Variants in PUS7 observed in about 807,000 individuals in gnomAD.
PUS7 encodes the protein pseudouridine synthase 7.
In PUS7, 48 loss-of-function variants were observed where a neutral mutation model predicts 79.8. The ratio of observed to expected loss-of-function variants is 0.60; its 90% CI spans 0.48 to 0.76. The LOEUF is 0.76. Among genes scored for constraint, PUS7 ranks in the 30% least tolerant of loss-of-function variants. The pLI, the probability that PUS7 is intolerant of heterozygous loss-of-function variation, is 0.00. For synonymous variants in PUS7, 286 were observed against 272.2 expected (o/e 1.05, Z -0.50); for missense variants, 729 against 797.6 (o/e 0.91, Z 1.04).
At chr7:105,517,166 C>CTTTTTTTGTTTTGTTTT (rs1825927705) in intron 1 of PUS7, among the ~76,000 whole-genome samples, 1 of 146,630 alleles carries the variant, frequency 6.8e-6, no homozygotes. Flanking sequence ...CTTCACATTT[C>CTTTTTTTGTTTTGTTTT]TTTTTTTGGC....
chr7:105,510,416 G>T (rs997972391), intron 1 of PUS7, among the ~76,000 whole-genome samples: 2 of 152,020 alleles, frequency 1.3e-5, no homozygotes, highest in African/African-American at 4.8e-5. Context: ...TCATACAGGT[G>T]GTATATAGTT....
intron 10 of PUS7, among the ~76,000 whole-genome samples, chr7:105,471,842 G>A (rs960286417): frequency 4.6e-5 from 7 of 151,094 alleles, no homozygotes; most frequent in African/African-American, 1.7e-4. Context: ...AACCCAGGAG[G>A]CAGAGGTTGC....
At chr7:105,508,871 TAAAAAAAAA>T (rs34249093) in intron 1 of PUS7, among the ~76,000 whole-genome samples, 1 of 22,890 alleles carries the variant, frequency 4.4e-5, no homozygotes, top group Non-Finnish European at 8.0e-5. Flanking sequence ...GACATTGTCT[TAAAAAAAAA>T]AAAAAAAAAA....
chr7:105,490,507 G>A (rs569922640), intron 7 of PUS7, among the ~76,000 whole-genome samples: 5 of 151,998 alleles, frequency 3.3e-5, no homozygotes, highest in African/African-American at 1.2e-4. Flanking sequence ...CTCTAGTTTT[G>A]CATGTCTTGC....
At chr7:105,458,014 G>T in intron 15 of PUS7, 88 bp from the exon 16 acceptor site, 1 of 1,457,078 alleles carries the variant, frequency 6.9e-7, no homozygotes, top group East Asian at 2.3e-5. Flanking sequence ...CAAATACAAA[G>T]AACTGTGCTG....
At chr7:105,515,235 T>G (rs1043925177) in intron 1 of PUS7, among the ~76,000 whole-genome samples, 1 of 152,284 alleles carries the variant, frequency 6.6e-6, no homozygotes, top group South Asian at 2.1e-4. Context: ...AAAGAAACAC[T>G]GCCTATAACC....
intron 5 of PUS7, among the ~76,000 whole-genome samples, chr7:105,496,068 G>C (rs142676313): frequency 5.4e-4 from 82 of 151,682 alleles, no homozygotes; most frequent in African/African-American, 1.8e-3. Flanking sequence ...GCTGAGGCAA[G>C]AGAATTGCTT....
intron 9 of PUS7, among the ~76,000 whole-genome samples, chr7:105,474,237 C>T (rs371288313): frequency 4.1e-4 from 63 of 152,222 alleles, no homozygotes; most frequent in Non-Finnish European, 7.5e-4. Flanking sequence ...TGGTATCTAT[C>T]GATGACATCA....
intron 6 of PUS7, among the ~76,000 whole-genome samples, chr7:105,492,921 G>A (rs556900606): frequency 1.3e-5 from 2 of 152,172 alleles, no homozygotes; most frequent in African/African-American, 4.8e-5. Context: ...AGGATTACAG[G>A]GGTGAGCCAC....
chr7:105,473,478 G>A (rs1158058959), intron 9 of PUS7, among the ~76,000 whole-genome samples: 1 of 150,812 alleles, frequency 6.6e-6, no homozygotes, highest in Non-Finnish European at 1.5e-5. Context: ...GAGTGCAATG[G>A]CACAATCTCA....
At chr7:105,473,025 T>C (rs1307871584) in intron 9 of PUS7, among the ~76,000 whole-genome samples, 1 of 151,124 alleles carries the variant, frequency 6.6e-6, no homozygotes, top group African/African-American at 2.4e-5. Flanking sequence ...TCTCCCAAAG[T>C]GCTGGGATTA....
intron 7 of PUS7, among the ~76,000 whole-genome samples, chr7:105,491,327 C>T (rs1824770952): frequency 6.6e-6 from 1 of 152,096 alleles, no homozygotes; most frequent in African/African-American, 2.4e-5. Context: ...AAGCATTATT[C>T]TCTTGGCTTT....
intron 5 of PUS7, among the ~76,000 whole-genome samples, chr7:105,496,791 G>C (rs1034260942): frequency 9.9e-5 from 15 of 152,086 alleles, no homozygotes; most frequent in Non-Finnish European, 1.8e-4. Flanking sequence ...TTAGTCCTTG[G>C]TGTGAATTCC....
Position 105,508,360 on chromosome 7 carries a change from A to C in PUS7, c.153T>G (p.Phe51Leu). Residue 51 changes from phenylalanine to leucine, a missense_variant, in exon 2 of 16, where the codon TTT becomes TTG. Coordinates refer to ENST00000469408, the MANE Select transcript of PUS7 (RefSeq NM_019042.5). ...GAGGCACGTCTTCACTGATGGACAG[A>C]AAGTCATTCTGTAGCCCATCTTGAC... ...TKGQDGLQND[F>L]LSISEDVPRP... is the part of the protein sequence containing the mutation. 1 of 1,614,106 alleles carries C rather than the reference A, an allele frequency of 6.2e-7. No homozygotes were observed.
intron 11 of PUS7, among the ~76,000 whole-genome samples, chr7:105,469,587 G>C (rs1009186053): frequency 6.6e-6 from 1 of 152,148 alleles, no homozygotes; most frequent in African/African-American, 2.4e-5. Flanking sequence ...AGTCTCTCAA[G>C]TAGCTGGGAT....
chr7:105,461,972 G>C (rs1195457775), intron 14 of PUS7, among the ~76,000 whole-genome samples: 1 of 151,970 alleles, frequency 6.6e-6, no homozygotes, highest in Non-Finnish European at 1.5e-5. Flanking sequence ...GAGCAGAGGA[G>C]CTTGAGGCTG....
In PUS7 at chr7:105,506,232, C is replaced by A. The variant is rs759808225; in HGVS notation, c.440G>T (p.Arg147Leu). 9 of 1,613,332 alleles carry A rather than the reference C, an allele frequency of 5.6e-6. No individual in the cohort carries two copies. The highest frequency in any genetic ancestry group is 7.6e-6 in the Non-Finnish European group (9 of 1,179,680). The change falls in exon 3 of 16, where the codon CGG (arginine) becomes CTG (leucine). Residue 147 changes from arginine (R) to leucine (L), a missense_variant. By Grantham distance (102) the Arg-to-Leu change is moderately radical. Coordinates refer to ENST00000469408, the MANE Select transcript of PUS7 (RefSeq NM_019042.5). ...FVVHEIGKDG[R>L]ISHLNDLSIP... ...GGACAAGTCATTCAAATGGCTGATC[C>A]GTCCATCTTTTCCTATTTCATGAAC...
chr7:105,472,732 G>A (rs1284835127), intron 9 of PUS7, among the ~76,000 whole-genome samples: 1 of 152,060 alleles, frequency 6.6e-6, no homozygotes, highest in Admixed American at 6.6e-5. Flanking sequence ...CATGCTTTAA[G>A]TAGTAACACA....
Position 105,468,434 on chromosome 7 carries a change from AAT to A in PUS7, c.1426_1427del (p.Ile476SerfsTer2). ...IIPRNNRLMYIHSYQSYVWNN... is the reference protein window; with the variant it reads ...IIPRNNRLMYXHSYQSYVWNN... ...TCCACACATAGCTTTGGTAGCTATG[AAT>A]ATACATTAAGCGATTATTTCTGGGT... On this transcript the variant is annotated frameshift_variant, in exon 12 of 16. Transcript: ENST00000469408. LOFTEE classifies it high-confidence loss of function. The A allele has an allele frequency of 6.2e-7, 1 of 1,609,592 alleles. No individual in the cohort carries two copies. The highest frequency in any genetic ancestry group is 8.5e-7 in the Non-Finnish European group (1 of 1,176,554).
Sources: gnomAD v4.1 joint callset for allele counts (sites outside exome capture counted in the v4.1 genomes callset) on GRCh38, gnomAD v4.1.1 for gene constraint, MANE v1.5 for transcripts, NCBI Gene and HGNC (gene_info 2026-07-23, HGNC 2026-07-21) for gene names.